The following NISCH variants were observed in gnomAD, a reference collection of about 807,000 sequenced individuals.
The protein encoded by NISCH is I-1 receptor candidate protein.
In NISCH, 55 loss-of-function variants were observed where a neutral mutation model predicts 138.4. The ratio of observed to expected loss-of-function variants is 0.40; its 90% CI spans 0.32 to 0.50. The LOEUF is 0.50. NISCH is among the 20% of genes least tolerant of loss of function. NISCH has a pLI of 0.71. For missense variants in NISCH, 1,643 were observed against 2,005.5 expected (o/e 0.82, Z 3.45); for synonymous variants, 860 against 861.5 (o/e 1.00, Z 0.03).
chr3:52,478,285 G>A lies in NISCH; in HGVS notation c.1173+3G>A, dbSNP rs1707163209. The A allele has an allele frequency of 5.0e-6, 8 of 1,613,890 alleles. No homozygotes were observed. Among genetic ancestry groups the A allele is most frequent in the Non-Finnish European group, 6.8e-6 (8 of 1,179,816 alleles). ...TCCGGGACAACAGGATCGAACAGGT[G>A]AGCCCAAGGACCTCACAGTTTTGGG... On this transcript the variant is annotated splice_donor_region_variant and intron_variant, in intron 10 of 20. Coordinates refer to ENST00000345716, the MANE Select transcript of NISCH (RefSeq NM_007184.4).
At chr3:52,486,864 G>C (rs1707414201) in intron 15 of NISCH, among the ~76,000 whole-genome samples, 1 of 152,260 alleles carries the variant, frequency 6.6e-6, no homozygotes, top group Admixed American at 6.5e-5. Context: ...TCTCTCCGGG[G>C]CTTATGGCAG....
chr3:52,470,295 G>A (rs1425276574), intron 3 of NISCH, among the ~76,000 whole-genome samples: 1 of 152,144 alleles, frequency 6.6e-6, no homozygotes, highest in African/African-American at 2.4e-5. Context: ...GGACCCTGGG[G>A]CTGAGTGTTA....
In NISCH at chr3:52,473,808, C is replaced by G. The variant is rs768927121; in HGVS notation, c.744C>G (p.Arg248=). The G allele has an allele frequency of 6.2e-7, 1 of 1,608,272 alleles. No homozygotes were observed. The highest frequency in any genetic ancestry group is 1.3e-5 in the African/African-American group (1 of 74,872). The change falls in exon 7 of 21, where the codon CGC becomes CGG. Residue 248 remains arginine, a synonymous_variant. Coordinates refer to ENST00000345716, the MANE Select transcript of NISCH (RefSeq NM_007184.4). The part of the protein sequence containing the change: ...SKPTLATLSV[R]FSATSMKEVL... ...CCACCTTAGCCACGCTGAGTGTCCG[C>G]TTCTCAGCAACCTCGATGAAGGTAA... is the stretch of plus-strand genomic sequence containing the variant.
At chr3:52,457,171 T>C (rs1391806286) in intron 1 of NISCH, among the ~76,000 whole-genome samples, 1 of 152,212 alleles carries the variant, frequency 6.6e-6, no homozygotes, top group Non-Finnish European at 1.5e-5. Flanking sequence ...AAGTTACTTA[T>C]ATAAGTGACA....
chr3:52,489,661 C>T lies in NISCH; in HGVS notation c.3439C>T (p.His1147Tyr). ...LRGSAIIELF[H>Y]SSIAEVENEE... is the part of the protein sequence containing the mutation. ...GGGCAGCGCCATCATCGAGCTCTTC[C>T]ACAGCAGCATTGCTGAGGTAGCGGC... is the stretch of plus-strand genomic sequence containing the variant. The change falls in exon 17 of 21, where the codon CAC becomes TAC. Residue 1147 changes from histidine (H) to tyrosine (Y), a missense_variant. His to Tyr is a moderately conservative substitution (Grantham distance 83). Coordinates refer to ENST00000345716, the MANE Select transcript of NISCH (RefSeq NM_007184.4). 1 of 1,612,520 alleles carries T rather than the reference C, an allele frequency of 6.2e-7. No homozygotes were observed. The highest frequency in any genetic ancestry group is 8.5e-7 in the Non-Finnish European group (1 of 1,179,754).
chr3:52,472,247 A>G, intron 5 of NISCH, 56 bp from the exon 6 acceptor site: 1 of 1,493,826 alleles, frequency 6.7e-7, no homozygotes, highest in Non-Finnish European at 9.3e-7. Context: ...CTGCTGCAGC[A>G]CTCCCCGATG....
intron 3 of NISCH, among the ~76,000 whole-genome samples, chr3:52,465,009 A>T (rs957256552): frequency 1.4e-4 from 22 of 152,042 alleles, no homozygotes; most frequent in Admixed American, 3.9e-4. Context: ...AGCACAAAAG[A>T]TTTAGATTTT....
rs757637023 is a variant in NISCH, at chr3:52,470,856, C to T, written c.361-3C>T. 1.1e-5 allele frequency: 18 copies of T among 1,613,960 alleles called. No homozygotes were observed. In the East Asian group the frequency reaches 3.6e-4, roughly 32 times the overall value. ...CTAAGGGCAAATTTTGTGTTCTCTG[C>T]AGGAGATAAATGGCATCACCGCGGC... On this transcript the variant is annotated splice_region_variant and splice_polypyrimidine_tract_variant and intron_variant, in intron 3 of 20. Transcript: ENST00000345716.
In NISCH at chr3:52,458,784, G is replaced by T; in HGVS notation, c.300G>T (p.Leu100=). The T allele has an allele frequency of 6.2e-6, 10 of 1,613,216 alleles. No homozygotes were observed. The highest frequency in any genetic ancestry group is 8.5e-6 in the Non-Finnish European group (10 of 1,179,968). Residue 100 remains leucine (L), a synonymous_variant, in exon 3 of 21, where the codon CTG becomes CTT. Coordinates refer to ENST00000345716, the MANE Select transcript of NISCH (RefSeq NM_007184.4). ...TGGAGGTCTACCTCCAGAAGCTCCT[G>T]GCTGCCTTCCCTGGCGTGACCCCCA... ...KDLEVYLQKL[L]AAFPGVTPRV...
chr3:52,489,513 A>T lies in NISCH; in HGVS notation c.3291A>T (p.Pro1097=), dbSNP rs753865230. Residue 1097 remains proline, a synonymous_variant, in exon 17 of 21, where the codon CCA becomes CCT. Coordinates refer to ENST00000345716, the MANE Select transcript of NISCH (RefSeq NM_007184.4). The part of the protein sequence containing the change: ...PEETPVEAPA[P]PPAEAPAQYP... ...AGACGCCAGTGGAAGCTCCAGCCCC[A>T]CCCCCAGCCGAGGCCCCTGCCCAGT... 1 of 1,611,980 alleles carries T rather than the reference A, an allele frequency of 6.2e-7. No homozygotes were observed. The highest frequency in any genetic ancestry group is 1.7e-5 in the Admixed American group (1 of 59,986).
At chr3:52,489,840 GC>G in intron 17 of NISCH, 162 bp downstream of exon 17, 1 of 1,329,602 alleles carries the variant, frequency 7.5e-7, no homozygotes, top group Non-Finnish European at 1.0e-6. Context: ...GTCCTGAGTT[GC>G]CCTCCCCTGG....
chr3:52,480,516 C>T (rs1021084233), intron 13 of NISCH: 14 of 1,510,250 alleles, frequency 9.3e-6, no homozygotes, highest in South Asian at 8.7e-5. Flanking sequence ...CCCAATTGCT[C>T]TGATGCCCAC....
chr3:52,491,423 C>T lies in NISCH; in HGVS notation c.3814C>T (p.Leu1272Phe), dbSNP rs766737632. ...CCTGACGCACTGCTTCCTCCAGCACCTCATGGTCGTGCTGTCCTCTCTGGA... is the reference window on the plus strand; with the variant it reads ...CCTGACGCACTGCTTCCTCCAGCACTTCATGGTCGTGCTGTCCTCTCTGGA... Reference protein sequence around the residue: ...SYLTHCFLQHLMVVLSSLERT... With the variant: ...SYLTHCFLQHFMVVLSSLERT... The change falls in exon 20 of 21, where the codon CTC becomes TTC. Residue 1272 changes from leucine (L) to phenylalanine (F), a missense_variant. Physicochemically the swap from Leu to Phe is conservative, Grantham distance 22 (BLOSUM62 0). Coordinates refer to ENST00000345716, the MANE Select transcript of NISCH (RefSeq NM_007184.4). 6.2e-7 allele frequency: 1 copy of T among 1,613,456 alleles called. No homozygotes were observed. Among genetic ancestry groups the T allele is most frequent in the Middle Eastern group, 1.7e-4 (1 of 6,060 alleles).
chr3:52,488,384 C>T lies in NISCH; in HGVS notation c.2892C>T (p.Gly964=), dbSNP rs767092707. ...DPTRSCTQPR[G]AFADGHVLEL... is the part of the protein sequence containing the mutation. ...CACGCAGCTGTACCCAGCCTCGGGG[C>T]GCCTTTGCTGATGGCCACGTGCTAG... Residue 964 remains glycine, a synonymous_variant, in exon 16 of 21, where the codon GGC becomes GGT. Coordinates refer to ENST00000345716, the MANE Select transcript of NISCH (RefSeq NM_007184.4). 35 of 1,613,702 alleles carry T rather than the reference C, an allele frequency of 2.2e-5. No individual in the cohort carries two copies. The highest frequency in any genetic ancestry group is 2.7e-5 in the Non-Finnish European group (32 of 1,180,018).
At chr3:52,475,417 T>C (rs570415596) in intron 7 of NISCH, among the ~76,000 whole-genome samples, 4 of 152,350 alleles carry the variant, frequency 2.6e-5, no homozygotes, top group African/African-American at 9.6e-5. Context: ...CTTAGCATTG[T>C]CTGACTTTAT....
intron 13 of NISCH, 51 bp from the exon 14 acceptor site, chr3:52,484,462 T>TGGGGC: frequency 1.5e-4 from 118 of 788,648 alleles, no homozygotes; most frequent in Non-Finnish European, 2.0e-4. Flanking sequence ...ACAGCCGCTC[T>TGGGGC]CCCCGCCCCA....
chr3:52,464,790 G>A (rs1457195025), intron 3 of NISCH, among the ~76,000 whole-genome samples: 2 of 152,112 alleles, frequency 1.3e-5, no homozygotes, highest in African/African-American at 4.8e-5. Context: ...CTCCCAAAGT[G>A]CCGGCATTAC....
At chr3:52,476,759 C>T (rs1245063337) in intron 8 of NISCH, among the ~76,000 whole-genome samples, 160 bp downstream of exon 8, 4 of 152,124 alleles carry the variant, frequency 2.6e-5, no homozygotes, top group African/African-American at 7.2e-5. Context: ...GGGGGCTGGG[C>T]GTGGTGGGTC....
intron 6 of NISCH, among the ~76,000 whole-genome samples, 157 bp downstream of exon 6, chr3:52,472,555 G>A (rs550331131): frequency 4.0e-4 from 61 of 152,318 alleles, no homozygotes; most frequent in Non-Finnish European, 7.9e-4. Context: ...CTCTGAAGGC[G>A]GAGAAAGAGA....
Sources: gnomAD v4.1 joint callset for allele counts (sites outside exome capture counted in the v4.1 genomes callset) on GRCh38, gnomAD v4.1.1 for gene constraint, MANE v1.5 for transcripts, NCBI Gene and HGNC (gene_info 2026-07-23, HGNC 2026-07-21) for gene names.